Variants in EFR3A observed in about 807,000 individuals in gnomAD.
EFR3A encodes EFR3 homolog A, also known as protein EFR3 homolog A.
In EFR3A, 76 loss-of-function variants were observed where a neutral mutation model predicts 104.4. The observed-to-expected ratio is 0.73, with a 90% CI of 0.60 to 0.88. The LOEUF (loss-of-function observed/expected upper bound fraction) is 0.88, where lower values mean the gene tolerates loss of function less well. Ranked by LOEUF, EFR3A falls within the 40% of genes least tolerant of loss-of-function variation. EFR3A has a pLI of 0.00. For synonymous variants in EFR3A, 330 were observed against 330.0 expected (o/e 1.00, Z 0.00); for missense variants, 985 against 1,012.5 (o/e 0.97, Z 0.37).
chr8:131,932,276 G>A (rs1817647242), intron 1 of EFR3A, among the ~76,000 whole-genome samples: 1 of 152,092 alleles, frequency 6.6e-6, no homozygotes, highest in African/African-American at 2.4e-5. Context: ...AACTACAGAA[G>A]ATTTTAGTTG....
intron 16 of EFR3A, 63 bp downstream of exon 16, chr8:131,985,123 T>G: frequency 6.7e-7 from 1 of 1,485,946 alleles, no homozygotes; most frequent in Non-Finnish European, 9.2e-7. Context: ...TTTATTCCAG[T>G]GATGATTATT....
intron 1 of EFR3A, among the ~76,000 whole-genome samples, chr8:131,934,643 G>GTA (rs991093281): frequency 1.3e-4 from 19 of 151,656 alleles, no homozygotes; most frequent in African/African-American, 2.9e-4. Flanking sequence ...GTGTATGTGT[G>GTA]TATATATATA....
intron 11 of EFR3A, among the ~76,000 whole-genome samples, chr8:131,976,622 A>T (rs564734596): frequency 8.5e-5 from 13 of 152,242 alleles, no homozygotes; most frequent in Non-Finnish European, 8.8e-5. Flanking sequence ...ATAGTATCTT[A>T]TTCGACTTAC....
chr8:131,960,976 TC>T (rs1475777154), intron 8 of EFR3A, among the ~76,000 whole-genome samples: 3 of 152,094 alleles, frequency 2.0e-5, no homozygotes, highest in African/African-American at 7.2e-5. Context: ...TCTGGCGAAC[TC>T]CCAACAGACC....
intron 2 of EFR3A, 31 bp downstream of exon 2, chr8:131,940,606 C>T (rs1273811195): frequency 5.1e-6 from 8 of 1,583,884 alleles, no homozygotes; most frequent in Middle Eastern, 1.7e-4. Context: ...TGATCCTTCT[C>T]TTTGCTGACC....
chr8:131,990,323 T>G (rs887305007), intron 18 of EFR3A, among the ~76,000 whole-genome samples: 5 of 152,120 alleles, frequency 3.3e-5, no homozygotes, highest in Admixed American at 1.3e-4. Context: ...ACATTTAGGG[T>G]CCTCCAATAG....
chr8:131,963,603 C>T (rs1265136262), intron 8 of EFR3A, among the ~76,000 whole-genome samples: 2 of 152,062 alleles, frequency 1.3e-5, no homozygotes, highest in East Asian at 1.9e-4. Context: ...AAAAAAAGTC[C>T]AGGACCAGGT....
intron 22 of EFR3A, among the ~76,000 whole-genome samples, chr8:132,009,362 T>C (rs1350473048): frequency 1.3e-5 from 2 of 151,992 alleles, no homozygotes; most frequent in South Asian, 4.1e-4. Flanking sequence ...AGTAAGATAA[T>C]TTTTTTTAAG....
intron 1 of EFR3A, among the ~76,000 whole-genome samples, chr8:131,936,919 A>G (rs996497584): frequency 2.0e-5 from 3 of 152,038 alleles, no homozygotes; most frequent in African/African-American, 7.2e-5. Flanking sequence ...TAAAGGCGCG[A>G]TTGATTAAAT....
At chr8:131,942,364 G>A (rs1057181677) in intron 2 of EFR3A, among the ~76,000 whole-genome samples, 2 of 152,006 alleles carry the variant, frequency 1.3e-5, no homozygotes, top group African/African-American at 4.8e-5. Context: ...TCCATAATCG[G>A]TCAGACAGTA....
intron 6 of EFR3A, among the ~76,000 whole-genome samples, chr8:131,954,881 ACT>A (rs1290330125): frequency 2.6e-5 from 4 of 152,008 alleles, no homozygotes; most frequent in Admixed American, 1.3e-4. Flanking sequence ...GTAATTGATA[ACT>A]CTATGGTAAC....
chr8:131,977,155 A>G, intron 12 of EFR3A, 63 bp downstream of exon 12: 1 of 1,175,232 alleles, frequency 8.5e-7, no homozygotes. Flanking sequence ...CATTAATTGA[A>G]TAGCTTCATG....
At chr8:131,944,135 CTT>C (rs1230947985) in intron 2 of EFR3A, among the ~76,000 whole-genome samples, 1 of 152,046 alleles carries the variant, frequency 6.6e-6, no homozygotes, top group Non-Finnish European at 1.5e-5. Flanking sequence ...GGCCAAGAAA[CTT>C]ACGTGGTAAC....
rs569893678 is a variant in EFR3A, at chr8:131,981,073, A to G, written c.1575+1652A>G. On this transcript the variant is annotated intron_variant, in intron 14 of 22. Coordinates refer to ENST00000254624, the MANE Select transcript of EFR3A (RefSeq NM_015137.6). ...CACACTACATTTTCTTTATCCATTCATCTGTTGATGGACACTTAGGCTGAT... is the reference window on the plus strand; with the variant it reads ...CACACTACATTTTCTTTATCCATTCGTCTGTTGATGGACACTTAGGCTGAT... Among the ~76,000 whole-genome samples the G allele has an allele frequency of 1.4e-3, 204 of 151,050 alleles. 3 individuals are homozygous for G. The highest frequency in any genetic ancestry group is 6.9e-3 in the Middle Eastern group (2 of 290).
At chr8:131,923,865 AC>A (rs1276634250) in intron 1 of EFR3A, among the ~76,000 whole-genome samples, 4 of 152,080 alleles carry the variant, frequency 2.6e-5, no homozygotes, top group Non-Finnish European at 5.9e-5. Context: ...AGAAGTGGTA[AC>A]AGAACTAAGC....
chr8:131,930,654 A>C (rs1817549869), intron 1 of EFR3A, among the ~76,000 whole-genome samples: 1 of 152,088 alleles, frequency 6.6e-6, no homozygotes, highest in African/African-American at 2.4e-5. Flanking sequence ...AGTTACTTAG[A>C]AAATCTACTC....
chr8:131,914,679 C>T (rs1178919973), intron 1 of EFR3A, among the ~76,000 whole-genome samples: 2 of 151,866 alleles, frequency 1.3e-5, no homozygotes, highest in Non-Finnish European at 2.9e-5. Context: ...GGTACATTTA[C>T]AGGTTAGTTA....
intron 8 of EFR3A, among the ~76,000 whole-genome samples, chr8:131,962,879 A>G (rs1417677719): frequency 1.3e-5 from 2 of 152,236 alleles, no homozygotes; most frequent in African/African-American, 2.4e-5. Context: ...CTCTCAGACC[A>G]CAATGCAATC....
Position 132,003,263 on chromosome 8 carries a change from C to T in EFR3A, c.2338C>T (p.Gln780Ter). 1 of 1,611,250 alleles carries T rather than the reference C, an allele frequency of 6.2e-7. No individual in the cohort carries two copies. Among genetic ancestry groups the T allele is most frequent in the African/African-American group, 1.3e-5 (1 of 74,876 alleles). Residue 780 changes from glutamine to a stop codon, truncating the protein, a stop_gained, in exon 22 of 23, where the codon CAA becomes TAA. Coordinates refer to ENST00000254624, the MANE Select transcript of EFR3A (RefSeq NM_015137.6). LOFTEE classifies it high-confidence loss of function. ...KANLLHDRLAQILELTIRPPP... is the reference protein window; with the variant it reads ...KANLLHDRLA ...AAATTTGCTTCATGATAGACTTGCC[C>T]AAATATTGGAACTCACCATACGGTA...
Sources: allele counts gnomAD v4.1 joint callset (sites outside exome capture counted in the v4.1 genomes callset), GRCh38; gene constraint gnomAD v4.1.1; transcripts MANE v1.5; gene names NCBI Gene and HGNC (gene_info 2026-07-23, HGNC 2026-07-21).